Variants in EPB41L1 observed in about 807,000 individuals in gnomAD.
EPB41L1 encodes the protein erythrocyte membrane protein band 4.1 like 1, also known as band 4.1-like protein 1.
EPB41L1 carries 29 observed loss-of-function variants against 97.8 expected under a neutral mutation model. That is an observed-to-expected ratio of 0.30 (90% CI 0.22 to 0.40). The LOEUF is 0.40. Ranked by LOEUF, EPB41L1 falls within the 10% of genes least tolerant of loss-of-function variation. The probability of loss-of-function intolerance (pLI) is 1.00; values close to 1 mark genes in which losing one functional copy is unlikely to be tolerated. For missense variants in EPB41L1, 812 were observed against 1,162.3 expected (o/e 0.70, Z 4.38); for synonymous variants, 383 against 459.2 (o/e 0.83, Z 2.12).
intron 13 of EPB41L1, chr20:36,197,539 C>A: frequency 1.4e-6 from 1 of 709,630 alleles, no homozygotes; most frequent in Non-Finnish European, 1.7e-6. Context: ...CCACAGGGAA[C>A]TCACCCAGAC....
intron 1 of EPB41L1, among the ~76,000 whole-genome samples, chr20:36,164,221 AGCCTCCT>A (rs2060645441): frequency 6.6e-6 from 1 of 152,236 alleles, no homozygotes; most frequent in African/African-American, 2.4e-5. Flanking sequence ...CCAATGGGCC[AGCCTCCT>A]GCTTCTTCAA....
At chr20:36,094,276 G>A (rs1346954529) in intron 1 of EPB41L1, among the ~76,000 whole-genome samples, 1 of 152,202 alleles carries the variant, frequency 6.6e-6, no homozygotes, top group Non-Finnish European at 1.5e-5. Flanking sequence ...TTGCAGAGAA[G>A]TGGCATTTTG....
chr20:36,150,170 C>T (rs1315516016), upstream of EPB41L1, among the ~76,000 whole-genome samples: 1 of 151,578 alleles, frequency 6.6e-6, no homozygotes, highest in East Asian at 1.9e-4. Flanking sequence ...TGGGTTCAAG[C>T]AATTATTCTC....
intron 2 of EPB41L1, among the ~76,000 whole-genome samples, chr20:36,130,479 A>T (rs541112885): frequency 6.6e-6 from 1 of 152,124 alleles, no homozygotes; most frequent in Admixed American, 6.5e-5. Context: ...GTTACTGAGG[A>T]TTCTATTAAA....
rs944991810 is a variant in EPB41L1, at chr20:36,092,429, C to T, written c.-65+817C>T. Among the ~76,000 whole-genome samples the T allele has an allele frequency of 2.4e-4, 36 of 152,008 alleles. No homozygotes were observed. The highest frequency in any genetic ancestry group is 2.1e-4 in the South Asian group (1 of 4,836). ...GGGTCCCCAGCGCCGGGAGGGTTCG[C>T]GGGGCTCAGCCCCTTCCTCTGCTCC... On this transcript the variant is annotated intron_variant, in intron 1 of 19. Transcript: ENST00000202028. This position sits in a 1 kb window ranked among gnomAD's most constrained non-coding sequence, Gnocchi z 7.0.
At chr20:36,179,653 C>T (rs1283123469) in intron 5 of EPB41L1, among the ~76,000 whole-genome samples, 3 of 152,252 alleles carry the variant, frequency 2.0e-5, no homozygotes, top group African/African-American at 7.2e-5. Flanking sequence ...AGAGATGCCT[C>T]CACCCAGGGC....
In EPB41L1 at chr20:36,202,275, A is replaced by G. The variant is rs527473475; in HGVS notation, c.1668+4234A>G. Among the ~76,000 whole-genome samples, 8 of 152,320 alleles carry G rather than the reference A, an allele frequency of 5.3e-5. No homozygotes were observed. In the East Asian group the frequency reaches 1.4e-3, roughly 26 times the overall value. ...TGCTGTCCTTGGCGGCAGCCCATTA[A>G]CTATTGGGAAGTTTTCGTGTTGAAT... On this transcript the variant is annotated intron_variant, in intron 14 of 21. Coordinates refer to ENST00000338074, the MANE Select transcript of EPB41L1 (RefSeq NM_012156.2).
At chr20:36,107,238 G>A (rs1158969741) in intron 1 of EPB41L1, among the ~76,000 whole-genome samples, 2 of 127,804 alleles carry the variant, frequency 1.6e-5, no homozygotes, top group Non-Finnish European at 3.3e-5. Flanking sequence ...TTTTTGAGAA[G>A]GACTCTCGCT....
intron 21 of EPB41L1, among the ~76,000 whole-genome samples, chr20:36,228,005 T>C (rs1159505941): frequency 6.6e-6 from 1 of 152,238 alleles, no homozygotes; most frequent in Non-Finnish European, 1.5e-5. Context: ...AACAGGAACC[T>C]TGGGTTTTAG....
intron 2 of EPB41L1, among the ~76,000 whole-genome samples, chr20:36,123,453 G>C (rs1473936211): frequency 6.6e-6 from 1 of 152,138 alleles, no homozygotes; most frequent in Non-Finnish European, 1.5e-5. Context: ...TTGTTTGTTT[G>C]TTTTTGAGAC....
At chr20:36,229,281 C>T (rs371890957) in intron 21 of EPB41L1, 51 bp from the exon 22 acceptor site, 17 of 1,490,014 alleles carry the variant, frequency 1.1e-5, no homozygotes, top group East Asian at 6.9e-5. Flanking sequence ...CTCTTCCTTC[C>T]TTTCCCCCCA....
intron 21 of EPB41L1, 23 bp downstream of exon 21, chr20:36,222,417 ACCAT>A: frequency 6.3e-7 from 1 of 1,579,752 alleles, no homozygotes; most frequent in Non-Finnish European, 8.7e-7. Flanking sequence ...AGGCCCAGCA[ACCAT>A]GAGAGAGAGG....
chr20:36,156,466 A>G (rs2060306196), intron 1 of EPB41L1, among the ~76,000 whole-genome samples: 1 of 152,198 alleles, frequency 6.6e-6, no homozygotes, highest in Admixed American at 6.5e-5. Context: ...CGGGGCCTAG[A>G]GAGTAAGAGT....
At chr20:36,163,157 C>CT (rs1210617080) in intron 1 of EPB41L1, among the ~76,000 whole-genome samples, 1 of 144,158 alleles carries the variant, frequency 6.9e-6, no homozygotes, top group East Asian at 2.0e-4. Context: ...TGTAATTCTT[C>CT]TTTTTTCTTT....
intron 5 of EPB41L1, among the ~76,000 whole-genome samples, chr20:36,182,060 C>G (rs956018907): frequency 1.3e-5 from 2 of 152,216 alleles, no homozygotes; most frequent in Non-Finnish European, 2.9e-5. Flanking sequence ...TTCTTTCTTT[C>G]TACCTTCCTT....
intron 21 of EPB41L1, 39 bp from the exon 22 acceptor site, chr20:36,229,293 T>TG: frequency 1.0e-6 from 1 of 973,066 alleles, no homozygotes; most frequent in East Asian, 3.0e-5. Flanking sequence ...TTCCCCCCAC[T>TG]CCCCACCCCC....
intron 1 of EPB41L1, among the ~76,000 whole-genome samples, chr20:36,158,945 G>C (rs2060423570): frequency 6.6e-6 from 1 of 152,214 alleles, no homozygotes; most frequent in African/African-American, 2.4e-5. Flanking sequence ...TGACAGAACT[G>C]TGTTTTGGGA....
chr20:36,205,543 G>C (rs941052671), intron 14 of EPB41L1, among the ~76,000 whole-genome samples: 1 of 152,208 alleles, frequency 6.6e-6, no homozygotes, highest in Non-Finnish European at 1.5e-5. Context: ...TGGCCCATCT[G>C]TGGATCTCCA....
chr20:36,205,028 T>G (rs989005286), intron 14 of EPB41L1, among the ~76,000 whole-genome samples: 1 of 152,228 alleles, frequency 6.6e-6, no homozygotes, highest in Non-Finnish European at 1.5e-5. Flanking sequence ...CTGCTCTTTC[T>G]ATGGGTTTTG....
Sources: allele counts gnomAD v4.1 joint callset (sites outside exome capture counted in the v4.1 genomes callset), GRCh38; gene constraint gnomAD v4.1.1; non-coding constraint Gnocchi (gnomAD v3.1); transcripts MANE v1.5; gene names NCBI Gene and HGNC (gene_info 2026-07-23, HGNC 2026-07-21).